KLHL1: variants seen among roughly 807,000 people sequenced by gnomAD.
KLHL1 encodes the protein kelch-like protein 1.
A neutral mutation model predicts 77.7 loss-of-function variants in KLHL1; 47 were observed. The ratio of observed to expected loss-of-function variants is 0.60; its 90% CI spans 0.48 to 0.77. The LOEUF (loss-of-function observed/expected upper bound fraction) is 0.77. Ranked by LOEUF, KLHL1 falls within the 30% of genes least tolerant of loss-of-function variation. The probability of loss-of-function intolerance (pLI) is 0.00; values close to 1 mark genes in which losing one functional copy is unlikely to be tolerated. For missense variants in KLHL1, 925 were observed against 910.8 expected, an observed-to-expected ratio of 1.02 and a Z score of -0.20; for synonymous variants, 360 against 325.2, an observed-to-expected ratio of 1.11 and a Z score of -1.15.
At chr13:69,911,693 A>G (rs904454762) in intron 4 of KLHL1, among the ~76,000 whole-genome samples, 1 of 152,076 alleles carries the variant, frequency 6.6e-6, no homozygotes, top group East Asian at 1.9e-4. Context: ...GTATTACCAC[A>G]TCAACTGTGG....
intron 6 of KLHL1, among the ~76,000 whole-genome samples, chr13:69,805,286 T>G (rs986266977): frequency 1.3e-5 from 2 of 152,102 alleles, no homozygotes; most frequent in African/African-American, 4.8e-5. Context: ...ACCATTAAAC[T>G]TAATGCTAGA....
chr13:69,765,786 CT>C (rs1875273302), intron 7 of KLHL1, among the ~76,000 whole-genome samples: 2 of 152,214 alleles, frequency 1.3e-5, no homozygotes, highest in Admixed American at 6.5e-5. Context: ...CAATGCTACC[CT>C]CCGATCTGTT....
intron 7 of KLHL1, among the ~76,000 whole-genome samples, chr13:69,784,314 G>T (rs994566157): frequency 1.3e-5 from 2 of 149,614 alleles, no homozygotes; most frequent in East Asian, 1.9e-4. Context: ...ATAATGACAG[G>T]ACCAAACTCA....
chr13:70,102,533 A>T (rs896992144), intron 1 of KLHL1, among the ~76,000 whole-genome samples: 1 of 152,136 alleles, frequency 6.6e-6, no homozygotes, highest in African/African-American at 2.4e-5. Context: ...ATTTCTCCAT[A>T]ACCTCAGATG....
chr13:69,867,538 G>T (rs937527838), intron 5 of KLHL1, among the ~76,000 whole-genome samples: 1 of 151,800 alleles, frequency 6.6e-6, no homozygotes, highest in African/African-American at 2.4e-5. Context: ...TTTTCAGTCA[G>T]TTGACACTTG....
intron 3 of KLHL1, among the ~76,000 whole-genome samples, chr13:69,953,910 G>C (rs899423061): frequency 6.6e-6 from 1 of 151,162 alleles, no homozygotes; most frequent in Non-Finnish European, 1.5e-5. Flanking sequence ...TCATAATTGA[G>C]TGTTTGCTGC....
chr13:69,858,423 C>T (rs1880007045), intron 5 of KLHL1, among the ~76,000 whole-genome samples: 1 of 152,028 alleles, frequency 6.6e-6, no homozygotes, highest in Non-Finnish European at 1.5e-5. Flanking sequence ...GCCATTAGTA[C>T]AAATGCAAGC....
At chr13:69,758,954 T>C (rs1874893036) in intron 7 of KLHL1, among the ~76,000 whole-genome samples, 1 of 152,116 alleles carries the variant, frequency 6.6e-6, no homozygotes, top group Middle Eastern at 3.2e-3. Flanking sequence ...ATGACACAGG[T>C]ACCCTCCCTA....
At chr13:70,006,443 G>T (rs1885405608) in intron 1 of KLHL1, among the ~76,000 whole-genome samples, 1 of 148,392 alleles carries the variant, frequency 6.7e-6, no homozygotes, top group Non-Finnish European at 1.5e-5. Flanking sequence ...TATTGTCTTT[G>T]CCTGGCTTTG....
intron 3 of KLHL1, among the ~76,000 whole-genome samples, chr13:69,947,028 T>TG (rs1883550342): frequency 6.9e-6 from 1 of 145,900 alleles, no homozygotes; most frequent in Non-Finnish European, 1.5e-5. Flanking sequence ...TGTGTGTGTG[T>TG]TGTGTGTGTG....
intron 1 of KLHL1, among the ~76,000 whole-genome samples, chr13:69,978,674 A>G (rs1017506673): frequency 4.0e-5 from 6 of 151,678 alleles, no homozygotes; most frequent in African/African-American, 1.5e-4. Flanking sequence ...TTTAGTGGAG[A>G]CGGGGTTTCA....
chr13:69,803,919 T>C (rs1038015444), intron 6 of KLHL1, among the ~76,000 whole-genome samples: 4 of 152,212 alleles, frequency 2.6e-5, no homozygotes, highest in African/African-American at 9.6e-5. Context: ...ATAGCCTAGC[T>C]AACACCTTGA....
chr13:69,829,940 G>A (rs184495178), intron 6 of KLHL1, among the ~76,000 whole-genome samples: 4 of 150,074 alleles, frequency 2.7e-5, no homozygotes, highest in Non-Finnish European at 5.9e-5. Flanking sequence ...TACAAGAACT[G>A]CTAAAAGGAG....
chr13:69,817,387 C>G (rs1029280452), intron 6 of KLHL1, among the ~76,000 whole-genome samples: 2 of 152,286 alleles, frequency 1.3e-5, no homozygotes, highest in Admixed American at 1.3e-4. Flanking sequence ...TCCACCTAAA[C>G]TATAAGCCTG....
intron 8 of KLHL1, among the ~76,000 whole-genome samples, chr13:69,723,322 T>G (rs1014139735): frequency 1.3e-5 from 2 of 152,126 alleles, no homozygotes; most frequent in Non-Finnish European, 2.9e-5. Context: ...AAGAGAGGAT[T>G]TGAATGTTCT....
chr13:69,716,048 T>C (rs564232166), intron 9 of KLHL1, among the ~76,000 whole-genome samples: 1 of 152,190 alleles, frequency 6.6e-6, no homozygotes, highest in South Asian at 2.1e-4. Flanking sequence ...ACCAAACAAA[T>C]TTCTACCAAA....
chr13:70,012,685 T>C (rs2472281), intron 1 of KLHL1, among the ~76,000 whole-genome samples: 151,095 of 152,082 alleles, frequency 0.99, 75,069 homozygotes, highest in Non-Finnish European at 1. Flanking sequence ...CTGAGGCGGG[T>C]GGATCACGAG....
intron 5 of KLHL1, among the ~76,000 whole-genome samples, chr13:69,847,852 A>G (rs1353546933): frequency 1.3e-5 from 2 of 151,602 alleles, no homozygotes; most frequent in African/African-American, 4.8e-5. Flanking sequence ...TTTGTGCATG[A>G]CAAAATGAAA....
At chr13:69,874,433 A>G (rs372897707) in intron 5 of KLHL1, among the ~76,000 whole-genome samples, 5 of 152,116 alleles carry the variant, frequency 3.3e-5, no homozygotes, top group African/African-American at 1.2e-4. Context: ...CTATCTACTC[A>G]ATATCTCCAC....
Sources: gnomAD v4.1 joint callset for allele counts (sites outside exome capture counted in the v4.1 genomes callset) on GRCh38, gnomAD v4.1.1 for gene constraint, MANE v1.5 for transcripts, NCBI Gene and HGNC (gene_info 2026-07-23, HGNC 2026-07-21) for gene names.